EOLA2: variants seen among roughly 807,000 people sequenced by gnomAD.
The protein encoded by EOLA2 is endothelium and lymphocyte associated ASCH domain 2.
A neutral mutation model predicts 4.1 loss-of-function variants in EOLA2; 3 were observed. The observed-to-expected ratio is 0.73, with a 90% CI of 0.33 to 1.89. The LOEUF (loss-of-function observed/expected upper bound fraction) is 1.89, where lower values mean the gene tolerates loss of function less well. Ranked by LOEUF, EOLA2 falls within the 40% of genes most tolerant of loss-of-function variation. The probability of loss-of-function intolerance (pLI) is 0.08; values close to 1 mark genes in which losing one functional copy is unlikely to be tolerated. For missense variants in EOLA2, 109 were observed against 126.4 expected (o/e 0.86, Z 0.66); for synonymous variants, 52 against 51.7 (o/e 1.01, Z -0.03).
chrX:149,935,018 C>A (rs1337721871), intron 2 of EOLA2, among the ~76,000 whole-genome samples: 6 of 112,247 alleles, frequency 5.3e-5, no homozygotes, highest in Non-Finnish European at 7.5e-5. Flanking sequence ...GCCCTCACCC[C>A]TCAGGCCCGT....
chrX:149,934,670 A>T, intron 2 of EOLA2: 1 of 750,968 alleles, frequency 1.3e-6, no homozygotes. Context: ...CAGATCATCA[A>T]ATTGAATCTT....
intron 1 of EOLA2, among the ~76,000 whole-genome samples, chrX:149,937,918 A>G (rs1557376605): frequency 8.9e-6 from 1 of 112,706 alleles, no homozygotes; most frequent in African/African-American, 3.2e-5. Context: ...GGTCCAGGCG[A>G]GCTTACAGCA....
At chrX:149,933,310 C>T (rs1291047687) in intron 4 of EOLA2, among the ~76,000 whole-genome samples, 1 of 103,990 alleles carries the variant, frequency 9.6e-6, no homozygotes, top group Non-Finnish European at 2.0e-5. Flanking sequence ...TGCACTCACA[C>T]ATGTATGTGC....
At chrX:149,931,031 A>G (rs2090866896), downstream of EOLA2, 1 of 935,401 alleles carries the variant, frequency 1.1e-6, no homozygotes, top group Non-Finnish European at 1.3e-6. Flanking sequence ...TTTGTACAAT[A>G]TCTGTTACTA....
chrX:149,935,393 T>C (rs2090968391), intron 2 of EOLA2, among the ~76,000 whole-genome samples: 1 of 66,044 alleles, frequency 1.5e-5, no homozygotes, highest in Non-Finnish European at 2.8e-5. Flanking sequence ...CACGCGCGCC[T>C]CCCACTCTGC....
intron 2 of EOLA2, chrX:149,934,541 C>T (rs2090946299): frequency 4.0e-6 from 3 of 753,010 alleles, no homozygotes; most frequent in African/African-American, 2.3e-5. Flanking sequence ...CACTGCTCTC[C>T]ACTGTCAGCA....
chrX:149,934,996 G>A (rs1557375580), intron 2 of EOLA2, among the ~76,000 whole-genome samples: 1 of 112,260 alleles, frequency 8.9e-6, no homozygotes, highest in African/African-American at 3.2e-5. Flanking sequence ...AGAACAGTCA[G>A]AAATAGTGGC....
rs626113 is a variant in EOLA2, at chrX:149,933,788, A to C, written c.87T>G (p.Pro29=). 3 of 1,190,825 alleles carry C rather than the reference A, an allele frequency of 2.5e-6. No homozygotes were observed. Among genetic ancestry groups the C allele is most frequent in the East Asian group, 3.0e-5 (1 of 33,767 alleles). The change falls in exon 4 of 5, where the codon CCT becomes CCG. Residue 29 remains proline, a synonymous_variant. Coordinates refer to ENST00000370406, the MANE Select transcript of EOLA2 (RefSeq NM_001013845.2). ...GIKTVETRWR[P]LLSSQRNCTI... The stretch of plus-strand genomic sequence containing the variant: ...TACAGTTCCGCTGGCTGCTCAGCAG[A>C]GGACGCCAGCGCGTCTCCACAGTCT...
rs2091056760 is a variant in EOLA2 at position 149,938,407 on chromosome X, G to C, written c.-425C>G. The C allele has an allele frequency of 8.9e-6, 1 of 112,911 alleles. No homozygotes were observed. The highest frequency in any genetic ancestry group is 3.6e-4 in the South Asian group (1 of 2,798). The allele number at this position is 112,911 out of a possible 1,213,427, so 9.3% of individuals were successfully genotyped here. A position where few individuals can be genotyped will look rare whatever the true frequency, so the allele number is the denominator to read the frequency against. On this transcript the variant is annotated 5_prime_UTR_variant, in exon 1 of 5. Transcript: ENST00000370406. ...TAGCTGCCGCTTACTCCCGGAAACC[G>C]GTGGCCAGTGACAGATGCTAGCGGT... is the stretch of plus-strand genomic sequence containing the variant.
Position 149,933,598 on chromosome X carries a change from C to T in EOLA2, c.253+24G>A, listed in dbSNP as rs201379178. ...GGGCAGCAGCCCTAGGCGTTGTCTGCGCATTTGGTACATTGTCACTTACCC... is the reference window on the plus strand; with the variant it reads ...GGGCAGCAGCCCTAGGCGTTGTCTGTGCATTTGGTACATTGTCACTTACCC... On this transcript the variant is annotated intron_variant, in intron 4 of 4. Transcript: ENST00000370406. 4.3e-4 allele frequency: 514 copies of T among 1,189,747 alleles called. 4 individuals carry two copies. Among genetic ancestry groups the T allele is most frequent in the Admixed American group, 3.4e-3 (152 of 45,052 alleles).
rs1185731653 is a variant in EOLA2 at position 149,934,114 on chromosome X, C to T, written c.-139G>A. ...GGTCCATCCCATGGAGTCTTTGGGGCGGTCCGGAGTAGGGCGGGGACAGCT... is the reference window on the plus strand; with the variant it reads ...GGTCCATCCCATGGAGTCTTTGGGGTGGTCCGGAGTAGGGCGGGGACAGCT... On this transcript the variant is annotated 5_prime_UTR_variant, in exon 3 of 5. Transcript: ENST00000370406. 1.0e-5 allele frequency: 11 copies of T among 1,060,352 alleles called. No individual in the cohort carries two copies. The highest frequency in any genetic ancestry group is 3.5e-5 in the East Asian group (1 of 28,876). The allele number at this position is 1,060,352 out of a possible 1,213,427, so 87.4% of individuals were successfully genotyped here.
At chrX:149,931,534 A>G (rs1448745347), downstream of EOLA2, among the ~76,000 whole-genome samples, 1 of 100,096 alleles carries the variant, frequency 1.0e-5, no homozygotes, top group East Asian at 3.2e-4. Flanking sequence ...GATTCCGGCA[A>G]TATCTTCCTG....
downstream of EOLA2, chrX:149,931,305 T>C (rs782081095): frequency 1.8e-5 from 7 of 386,932 alleles, no homozygotes; most frequent in South Asian, 1.2e-3. Context: ...CTGTGTTTTT[T>C]TTTAACCTTC....
At chrX:149,933,510 G>A (rs2090916940) in intron 4 of EOLA2, 112 bp downstream of exon 4, 1 of 838,975 alleles carries the variant, frequency 1.2e-6, no homozygotes, top group African/African-American at 2.1e-5. Flanking sequence ...AAAGGAAACT[G>A]TGTTATACAC....
rs1464860878 is a variant in EOLA2 at position 149,938,271 on chromosome X, C to CA, written c.-290dup. 8.9e-6 allele frequency: 1 copy of CA among 112,913 alleles called. No individual in the cohort carries two copies. Among genetic ancestry groups the CA allele is most frequent in the Non-Finnish European group, 1.9e-5 (1 of 53,340 alleles). The allele number at this position is 112,913 out of a possible 1,213,427, so 9.3% of individuals were successfully genotyped here. On this transcript the variant is annotated 5_prime_UTR_variant, in exon 1 of 5. Coordinates refer to ENST00000370406, the MANE Select transcript of EOLA2 (RefSeq NM_001013845.2). ...CAGGGCCGACTCTGGCTTTTGGCCT[C>CA]AGAGTACAGTCCTCCGCCTCCTCGC...
downstream of EOLA2, chrX:149,932,100 T>A (rs1557374366): frequency 2.6e-6 from 2 of 771,500 alleles, no homozygotes; most frequent in Non-Finnish European, 3.1e-6. Flanking sequence ...GTCCCAGACT[T>A]TCTGTAATGT....
At position 149,933,832 on chromosome X, in the gene EOLA2, A is replaced by G. The variant is rs373548535; in HGVS notation, c.43T>C (p.Phe15Leu). The change falls in exon 4 of 5, where the codon TTT becomes CTT. Residue 15 changes from phenylalanine (F) to leucine (L), a missense_variant. Transcript: ENST00000370406. ...ACAGTCTTGATTCCATTTAAGACAA[A>G]GCCAGCATAAGGCTGCCGGAAGGAG... ...CLSFRQPYAG[F>L]VLNGIKTVET... The G allele has an allele frequency of 8.3e-7, 1 of 1,206,288 alleles. No homozygotes were observed. Among genetic ancestry groups the G allele is most frequent in the African/African-American group, 1.8e-5 (1 of 55,012 alleles).
In EOLA2 at chrX:149,933,590, G is replaced by A. The variant is rs372285759; in HGVS notation, c.253+32C>T. The A allele has an allele frequency of 1.1e-3, 1,277 of 1,184,527 alleles. 3 individuals carry two copies. The highest frequency in any genetic ancestry group is 1.3e-3 in the Non-Finnish European group (1,145 of 878,722). ...AAGATCTTGGGCAGCAGCCCTAGGC[G>A]TTGTCTGCGCATTTGGTACATTGTC... On this transcript the variant is annotated intron_variant, in intron 4 of 4. Coordinates refer to ENST00000370406, the MANE Select transcript of EOLA2 (RefSeq NM_001013845.2).
chrX:149,938,218 C>T lies in EOLA2; in HGVS notation c.-236G>A, dbSNP rs1382972997. 8.8e-6 allele frequency: 1 copy of T among 113,193 alleles called. No homozygotes were observed. The highest frequency in any genetic ancestry group is 3.2e-5 in the African/African-American group (1 of 31,200). 9.3% of individuals were successfully genotyped at this position (113,193 alleles called of 1,213,427 possible). ...CTTTCAGCCGCGGCCGGTCTCACGG[C>T]CTCTGGACCCTGAGAGTCGTGGGCG... On this transcript the variant is annotated 5_prime_UTR_variant, in exon 1 of 5. Transcript: ENST00000370406.
Sources: gnomAD v4.1 joint callset for allele counts (sites outside exome capture counted in the v4.1 genomes callset) on GRCh38, gnomAD v4.1.1 for gene constraint, MANE v1.5 for transcripts, NCBI Gene and HGNC (gene_info 2026-07-23, HGNC 2026-07-21) for gene names.